FSTL5: variants seen among roughly 807,000 people sequenced by gnomAD.
FSTL5 encodes the protein follistatin like 5.
FSTL5 carries 62 observed loss-of-function variants against 89.1 expected under a neutral mutation model. The ratio of observed to expected loss-of-function variants is 0.70; its 90% CI spans 0.57 to 0.86. The LOEUF is 0.86. Among genes scored for constraint, FSTL5 ranks in the 40% least tolerant of loss-of-function variants. The pLI, the probability that FSTL5 is intolerant of heterozygous loss-of-function variation, is 0.00. For missense variants in FSTL5, 1,057 were observed against 1,001.6 expected, an observed-to-expected ratio of 1.06 and a Z score of -0.75; for synonymous variants, 383 against 346.2, an observed-to-expected ratio of 1.11 and a Z score of -1.18.
chr4:161,657,452 T>C (rs1190553122), intron 6 of FSTL5, among the ~76,000 whole-genome samples: 1 of 152,208 alleles, frequency 6.6e-6, no homozygotes, highest in Non-Finnish European at 1.5e-5. Flanking sequence ...AATGTCGATG[T>C]AGAGGAGTGA....
At position 162,099,340 on chromosome 4, in the gene FSTL5, T is replaced by C. The variant is rs143372593; in HGVS notation, c.126+11931A>G. The stretch of plus-strand genomic sequence containing the variant: ...GTTTCAAGCAGAATCCAATTTGAAA[T>C]TATCAGCATTAATTTAAATGAATTA... On this transcript the variant is annotated intron_variant, in intron 2 of 15. Coordinates refer to ENST00000306100, the MANE Select transcript of FSTL5 (RefSeq NM_020116.5). 3.4e-4 allele frequency among the ~76,000 whole-genome samples: 51 copies of C among 152,230 alleles called. 1 individual carries two copies. The East Asian group carries it at 9.3e-3, about 28-fold the overall frequency.
chr4:161,885,694 C>A (rs1244216073), intron 4 of FSTL5, among the ~76,000 whole-genome samples: 1 of 152,154 alleles, frequency 6.6e-6, no homozygotes, highest in African/African-American at 2.4e-5. Context: ...AGCAGTCCAC[C>A]TGCCTCAGCC....
At chr4:161,592,561 A>G (rs543074769) in intron 7 of FSTL5, among the ~76,000 whole-genome samples, 2 of 151,184 alleles carry the variant, frequency 1.3e-5, no homozygotes, top group East Asian at 1.9e-4. Context: ...GCTGAGAATG[A>G]TGGTTTCCAG....
chr4:162,057,043 G>C (rs1355582351), intron 2 of FSTL5, among the ~76,000 whole-genome samples: 1 of 152,204 alleles, frequency 6.6e-6, no homozygotes, highest in Non-Finnish European at 1.5e-5. Flanking sequence ...TGAAACTGCT[G>C]TTTCACATAG....
chr4:161,495,943 A>G (rs1451624569), intron 12 of FSTL5, among the ~76,000 whole-genome samples: 3 of 152,096 alleles, frequency 2.0e-5, no homozygotes, highest in Non-Finnish European at 2.9e-5. Flanking sequence ...GGAACTTTTC[A>G]CTGTGTAATC....
chr4:161,762,395 A>C (rs1740839603), intron 5 of FSTL5, among the ~76,000 whole-genome samples: 1 of 152,210 alleles, frequency 6.6e-6, no homozygotes, highest in Non-Finnish European at 1.5e-5. Flanking sequence ...GGGCTCTGAT[A>C]GTTCCTTGCA....
intron 4 of FSTL5, among the ~76,000 whole-genome samples, chr4:161,863,424 A>G (rs564328195): frequency 6.7e-4 from 102 of 152,344 alleles, no homozygotes; most frequent in African/African-American, 2.4e-3. Context: ...GAAAGTCAAC[A>G]CAAAAAGGAA....
In FSTL5 at chr4:162,102,367, C is replaced by T. The variant is rs538390046; in HGVS notation, c.126+8904G>A. ...TAAATATGCATCAGCATTCTATTTACATCTATTCAACACAAATAAGACAAA... is the reference window on the plus strand; with the variant it reads ...TAAATATGCATCAGCATTCTATTTATATCTATTCAACACAAATAAGACAAA... On this transcript the variant is annotated intron_variant, in intron 2 of 15. Coordinates refer to ENST00000306100, the MANE Select transcript of FSTL5 (RefSeq NM_020116.5). Among the ~76,000 whole-genome samples the T allele has an allele frequency of 7.9e-4, 119 of 151,490 alleles. 1 individual carries two copies. The highest frequency in any genetic ancestry group is 2.8e-3 in the African/African-American group (118 of 41,432).
chr4:161,524,386 C>T (rs921045831), intron 10 of FSTL5, among the ~76,000 whole-genome samples: 1 of 152,102 alleles, frequency 6.6e-6, no homozygotes, highest in Non-Finnish European at 1.5e-5. Flanking sequence ...CCACCCGGGG[C>T]ACATCTTCTC....
At chr4:161,829,405 T>C (rs1056928027) in intron 4 of FSTL5, among the ~76,000 whole-genome samples, 11 of 151,440 alleles carry the variant, frequency 7.3e-5, no homozygotes, top group African/African-American at 2.4e-4. Flanking sequence ...GCTTAAACAA[T>C]AGCAAATAAA....
chr4:161,622,052 G>A (rs530185098), intron 7 of FSTL5, among the ~76,000 whole-genome samples: 2 of 151,848 alleles, frequency 1.3e-5, no homozygotes, highest in African/African-American at 2.4e-5. Context: ...AGATAGGTGC[G>A]ATTACTACAT....
chr4:161,851,700 T>C (rs1268494589), intron 4 of FSTL5, among the ~76,000 whole-genome samples: 3 of 152,004 alleles, frequency 2.0e-5, no homozygotes, highest in Non-Finnish European at 2.9e-5. Context: ...TTATAATAAC[T>C]CTGAAAATAA....
chr4:162,103,162 T>C (rs1482107528), intron 2 of FSTL5, among the ~76,000 whole-genome samples: 1 of 152,192 alleles, frequency 6.6e-6, no homozygotes, highest in Non-Finnish European at 1.5e-5. Flanking sequence ...TATCCCTTTA[T>C]TTACTTGCTT....
At chr4:161,922,761 T>C (rs943451945) in intron 3 of FSTL5, among the ~76,000 whole-genome samples, 2 of 152,076 alleles carry the variant, frequency 1.3e-5, no homozygotes, top group East Asian at 1.9e-4. Flanking sequence ...AATGCTATCA[T>C]CAAAACCTTA....
intron 5 of FSTL5, among the ~76,000 whole-genome samples, chr4:161,761,780 T>G (rs1325374909): frequency 6.6e-6 from 1 of 152,240 alleles, no homozygotes; most frequent in Non-Finnish European, 1.5e-5. Flanking sequence ...TCTTATTTTT[T>G]AAGCCCTTAT....
At chr4:161,533,901 A>T (rs1731507176) in intron 10 of FSTL5, among the ~76,000 whole-genome samples, 2 of 152,132 alleles carry the variant, frequency 1.3e-5, no homozygotes, top group African/African-American at 4.8e-5. Flanking sequence ...AGTATGCTTT[A>T]TTCCTGGATT....
intron 6 of FSTL5, among the ~76,000 whole-genome samples, chr4:161,751,653 C>G (rs956727442): frequency 6.6e-6 from 1 of 151,968 alleles, no homozygotes; most frequent in Non-Finnish European, 1.5e-5. Flanking sequence ...AGGTGGCACA[C>G]TCTTGTAGCC....
At chr4:161,996,540 A>C (rs1447349502) in intron 3 of FSTL5, among the ~76,000 whole-genome samples, 1 of 152,208 alleles carries the variant, frequency 6.6e-6, no homozygotes, top group Non-Finnish European at 1.5e-5. Context: ...TGTCTCCTTC[A>C]TTCAATCCAT....
At chr4:161,763,744 G>A (rs1168303963) in intron 5 of FSTL5, among the ~76,000 whole-genome samples, 1 of 152,104 alleles carries the variant, frequency 6.6e-6, no homozygotes, top group East Asian at 1.9e-4. Context: ...TATGCTCAGT[G>A]CCCAGTGCTC....
Sources: allele counts gnomAD v4.1 joint callset (sites outside exome capture counted in the v4.1 genomes callset), GRCh38; gene constraint gnomAD v4.1.1; transcripts MANE v1.5; gene names NCBI Gene and HGNC (gene_info 2026-07-23, HGNC 2026-07-21).